LRRC49: variants seen among roughly 807,000 people sequenced by gnomAD.
LRRC49 encodes leucine rich repeat containing 49.
Under a neutral mutation model 83.3 loss-of-function variants are expected in LRRC49, and 50 were observed. The observed-to-expected ratio is 0.60, with a 90% CI of 0.48 to 0.76. The LOEUF is 0.76. Ranked by LOEUF, LRRC49 falls within the 30% of genes least tolerant of loss-of-function variation. The pLI, the probability that LRRC49 is intolerant of heterozygous loss-of-function variation, is 0.00. For missense variants in LRRC49, 704 were observed against 809.1 expected (o/e 0.87, Z 1.58); for synonymous variants, 286 against 283.3 (o/e 1.01, Z -0.10).
chr15:70,911,755 G>C (rs1398297871), intron 6 of LRRC49, among the ~76,000 whole-genome samples, 157 bp downstream of exon 6: 2 of 152,078 alleles, frequency 1.3e-5, no homozygotes, highest in East Asian at 3.8e-4. Flanking sequence ...AGAAGATTTG[G>C]TAACTCCTCA....
intron 14 of LRRC49, among the ~76,000 whole-genome samples, chr15:71,032,120 G>T (rs1025015724): frequency 7.2e-5 from 11 of 152,232 alleles, no homozygotes; most frequent in Non-Finnish European, 1.5e-4. Context: ...GGACCCTGGT[G>T]ATGTAGGCAC....
intron 8 of LRRC49, among the ~76,000 whole-genome samples, chr15:70,954,750 C>A (rs959592362): frequency 6.6e-6 from 1 of 152,046 alleles, no homozygotes; most frequent in African/African-American, 2.4e-5. Context: ...GGGACTGGGA[C>A]TGGGTCAGCA....
intron 7 of LRRC49, among the ~76,000 whole-genome samples, chr15:70,934,971 C>G (rs1456943926): frequency 6.6e-6 from 1 of 152,160 alleles, no homozygotes; most frequent in Non-Finnish European, 1.5e-5. Flanking sequence ...CTGCCATTTC[C>G]TTTGGAAACT....
intron 5 of LRRC49, 65 bp downstream of exon 5, chr15:70,904,820 C>A: frequency 8.3e-7 from 1 of 1,207,934 alleles, no homozygotes; most frequent in Non-Finnish European, 1.2e-6. Context: ...GAGATGACAA[C>A]TTAGAATTGA....
At chr15:70,873,140 C>T in exon 2 of LRRC49, 1 of 1,394,590 alleles carries the variant, frequency 7.2e-7, no homozygotes, top group South Asian at 1.2e-5. Context: ...CCGCCTTGGC[C>T]TCCCAAAGTG....
intron 8 of LRRC49, among the ~76,000 whole-genome samples, chr15:70,955,845 T>G (rs2036380416): frequency 6.6e-6 from 1 of 152,216 alleles, no homozygotes; most frequent in African/African-American, 2.4e-5. Flanking sequence ...TGTGCATTAC[T>G]CTTTAATATT....
chr15:70,949,878 G>A (rs1310219348), intron 8 of LRRC49, among the ~76,000 whole-genome samples: 3 of 152,000 alleles, frequency 2.0e-5, no homozygotes, highest in Non-Finnish European at 2.9e-5. Context: ...ATTGTGGGTC[G>A]CTGAGGCTTG....
In LRRC49 at chr15:71,051,786, G is replaced by T. The variant is rs1018333506; in HGVS notation, c.*2174G>T. On this transcript the variant is annotated 3_prime_UTR_variant, in exon 16 of 16. Coordinates refer to ENST00000260382, the MANE Select transcript of LRRC49 (RefSeq NM_017691.5). ...CACTAAGTCAGCACTCAATGAAATG[G>T]CAGCAAGCCATCCCAGCCACTGCTG... 27 of 152,230 alleles carry T rather than the reference G, an allele frequency of 1.8e-4. No homozygotes were observed. The highest frequency in any genetic ancestry group is 1.8e-3 in the Admixed American group (27 of 15,278). 9.4% of individuals were successfully genotyped at this position (152,230 alleles called of 1,614,324 possible).
At chr15:70,911,471 C>T in intron 5 of LRRC49, 61 bp from the exon 6 acceptor site, 1 of 930,002 alleles carries the variant, frequency 1.1e-6, no homozygotes, top group South Asian at 1.5e-5. Flanking sequence ...CCTTAGCATA[C>T]TTTGATTTAC....
chr15:70,974,720 T>TAAAAAAAAAAAA (rs1343976655), intron 9 of LRRC49, among the ~76,000 whole-genome samples: 2 of 129,152 alleles, frequency 1.5e-5, no homozygotes, highest in Non-Finnish European at 1.7e-5. Context: ...CAAAGCATTG[T>TAAAAAAAAAAAA]AAAAAAAAAA....
intron 8 of LRRC49, among the ~76,000 whole-genome samples, chr15:70,944,443 C>T (rs932100761): frequency 6.6e-6 from 1 of 152,066 alleles, no homozygotes; most frequent in Non-Finnish European, 1.5e-5. Context: ...ACTGCTCTGT[C>T]GCCCAGGCTG....
At chr15:70,944,700 C>T (rs556866382) in intron 8 of LRRC49, among the ~76,000 whole-genome samples, 6 of 152,132 alleles carry the variant, frequency 3.9e-5, no homozygotes, top group African/African-American at 4.8e-5. Context: ...CCACTGCGCC[C>T]GGCCTAAATG....
chr15:70,982,020 G>A (rs190951877), intron 10 of LRRC49, among the ~76,000 whole-genome samples: 80 of 150,158 alleles, frequency 5.3e-4, no homozygotes, highest in Admixed American at 1.9e-3. Context: ...TCCCTTTTCC[G>A]GGCCCCAGTA....
intron 2 of LRRC49, among the ~76,000 whole-genome samples, chr15:70,878,210 GT>G (rs896944263): frequency 1.3e-4 from 20 of 151,978 alleles, no homozygotes; most frequent in East Asian, 7.7e-4. Context: ...AATGAAACCA[GT>G]TTTTTTTAAT....
intron 8 of LRRC49, among the ~76,000 whole-genome samples, chr15:70,952,296 C>T (rs895841404): frequency 8.6e-5 from 13 of 151,180 alleles, no homozygotes; most frequent in Non-Finnish European, 1.8e-4. Flanking sequence ...AGAGAGTAGT[C>T]CCTCCTTCTC....
intron 7 of LRRC49, among the ~76,000 whole-genome samples, chr15:70,934,423 A>C (rs1184331256): frequency 6.6e-6 from 1 of 152,166 alleles, no homozygotes; most frequent in Non-Finnish European, 1.5e-5. Flanking sequence ...AAGGGTATCT[A>C]TGTAAGTGAT....
intron 1 of LRRC49, among the ~76,000 whole-genome samples, chr15:70,864,036 G>A (rs1341044397): frequency 6.6e-6 from 1 of 152,156 alleles, no homozygotes; most frequent in African/African-American, 2.4e-5. Context: ...ATTGGATAGG[G>A]TATAGTCTAG....
At chr15:71,034,188 A>G (rs369690244) in intron 14 of LRRC49, among the ~76,000 whole-genome samples, 6 of 152,336 alleles carry the variant, frequency 3.9e-5, no homozygotes, top group Admixed American at 2.0e-4. Context: ...ACAAATTTAC[A>G]AGAAAAAAAC....
chr15:70,936,325 T>C (rs565783408), intron 7 of LRRC49, among the ~76,000 whole-genome samples: 161 of 152,338 alleles, frequency 1.1e-3, no homozygotes, highest in African/African-American at 3.7e-3. Context: ...GTGAGTTAAA[T>C]AGCTTTAAAA....
Sources: allele counts gnomAD v4.1 joint callset (sites outside exome capture counted in the v4.1 genomes callset), GRCh38; gene constraint gnomAD v4.1.1; transcripts MANE v1.5; gene names NCBI Gene and HGNC (gene_info 2026-07-23, HGNC 2026-07-21).